The following NPAS3 variants were observed in gnomAD, a reference collection of about 807,000 sequenced individuals.
NPAS3 encodes the protein neuronal PAS domain protein 3.
NPAS3 carries 14 observed loss-of-function variants against 73.1 expected under a neutral mutation model. The ratio of observed to expected loss-of-function variants is 0.19; its 90% CI spans 0.13 to 0.30. The LOEUF is 0.30. NPAS3 is among the 10% of genes least tolerant of loss of function. The probability of loss-of-function intolerance (pLI) is 1.00; values close to 1 mark genes in which losing one functional copy is unlikely to be tolerated. For missense variants in NPAS3, 1,096 were observed against 1,250.0 expected (o/e 0.88, Z 1.86); for synonymous variants, 620 against 541.5 (o/e 1.14, Z -2.01).
At chr14:33,146,660 G>A (rs570072012) in intron 2 of NPAS3, among the ~76,000 whole-genome samples, 67 of 152,234 alleles carry the variant, frequency 4.4e-4, no homozygotes, top group Non-Finnish European at 6.9e-4. Flanking sequence ...AGGCTGAAGT[G>A]GTTTATCTTA....
intron 5 of NPAS3, among the ~76,000 whole-genome samples, chr14:33,675,474 T>A (rs989390607): frequency 2.0e-5 from 3 of 152,122 alleles, no homozygotes; most frequent in African/African-American, 7.2e-5. Flanking sequence ...ATTCAAAGAG[T>A]ATACAAAATA....
At chr14:33,471,988 C>T (rs937432651) in intron 4 of NPAS3, among the ~76,000 whole-genome samples, 5 of 152,258 alleles carry the variant, frequency 3.3e-5, no homozygotes, top group Non-Finnish European at 7.3e-5. Flanking sequence ...TTGCACACTC[C>T]TTATTAGAAT....
At chr14:33,521,381 T>C (rs1051681312) in intron 4 of NPAS3, among the ~76,000 whole-genome samples, 2 of 152,124 alleles carry the variant, frequency 1.3e-5, no homozygotes, top group African/African-American at 4.8e-5. Flanking sequence ...CCATTCAGCA[T>C]GATATGGCTG....
chr14:32,939,928 A>C (rs1461740355), intron 1 of NPAS3, among the ~76,000 whole-genome samples: 1 of 152,014 alleles, frequency 6.6e-6, no homozygotes, highest in African/African-American at 2.4e-5. Flanking sequence ...CCGCGCGAGC[A>C]GCTAGGCCGG....
chr14:33,318,356 G>A (rs1265122608), intron 3 of NPAS3, among the ~76,000 whole-genome samples: 1 of 152,058 alleles, frequency 6.6e-6, no homozygotes, highest in East Asian at 1.9e-4. Flanking sequence ...GAGGAATGGG[G>A]AATTGTCATT....
intron 6 of NPAS3, among the ~76,000 whole-genome samples, chr14:33,705,331 CT>C (rs1176859317): frequency 4.6e-5 from 7 of 152,112 alleles, no homozygotes; most frequent in Non-Finnish European, 8.8e-5. Context: ...CATTGGCTCC[CT>C]TTTCCCCCTA....
At chr14:33,498,784 T>C (rs998011902) in intron 4 of NPAS3, among the ~76,000 whole-genome samples, 3 of 151,982 alleles carry the variant, frequency 2.0e-5, no homozygotes, top group African/African-American at 4.8e-5. Flanking sequence ...TGTATACCTA[T>C]GTAACAAACT....
Position 33,184,752 on chromosome 14 carries a change from A to T in NPAS3, c.141-30430A>T, listed in dbSNP as rs552889078. Among the ~76,000 whole-genome samples the T allele has an allele frequency of 7.2e-4, 110 of 152,268 alleles. 1 individual carries two copies. Among genetic ancestry groups the T allele is most frequent in the African/African-American group, 2.5e-3 (104 of 41,542 alleles). ...TTGTTAGGGGAAGAAGAAATACAGG[A>T]TGCTGCCCGGTGTTCTGATGTGGAC... On this transcript the variant is annotated intron_variant, in intron 2 of 11. Transcript: ENST00000356141.
chr14:33,482,441 T>A (rs1223924339), intron 4 of NPAS3, among the ~76,000 whole-genome samples: 1 of 152,128 alleles, frequency 6.6e-6, no homozygotes, highest in Admixed American at 6.6e-5. Context: ...TCACTATAAC[T>A]ACAGAACACA....
chr14:33,677,165 C>T (rs567684490), intron 6 of NPAS3, among the ~76,000 whole-genome samples: 1 of 152,258 alleles, frequency 6.6e-6, no homozygotes, highest in South Asian at 2.1e-4. Flanking sequence ...CTGGGTCTTC[C>T]GAGAGCGCTG....
chr14:33,686,312 G>A (rs949650627), intron 6 of NPAS3, among the ~76,000 whole-genome samples: 5 of 152,232 alleles, frequency 3.3e-5, no homozygotes, highest in African/African-American at 1.2e-4. Context: ...CCAGATCAGG[G>A]AGGAGCTGGG....
chr14:32,998,748 T>C (rs1392623305), intron 1 of NPAS3, among the ~76,000 whole-genome samples: 4 of 152,232 alleles, frequency 2.6e-5, no homozygotes. Flanking sequence ...TGTTGTTTAA[T>C]CCTTCTCTAC....
chr14:33,064,246 A>G (rs1306774532), intron 2 of NPAS3, among the ~76,000 whole-genome samples: 2 of 152,230 alleles, frequency 1.3e-5, no homozygotes, highest in African/African-American at 4.8e-5. Context: ...GTATTATTTA[A>G]AAAGTATATA....
chr14:33,029,272 G>T (rs2039911904), intron 1 of NPAS3, among the ~76,000 whole-genome samples: 1 of 152,242 alleles, frequency 6.6e-6, no homozygotes, highest in East Asian at 1.9e-4. Context: ...AGTTTAAGTG[G>T]GGAAGAGGAT....
intron 1 of NPAS3, among the ~76,000 whole-genome samples, chr14:32,963,833 A>G (rs1211189031): frequency 6.6e-6 from 1 of 152,208 alleles, no homozygotes; most frequent in Admixed American, 6.5e-5. Flanking sequence ...TGATAATTGC[A>G]TGGCATGAAT....
chr14:33,698,237 C>T (rs1050604894), intron 6 of NPAS3, among the ~76,000 whole-genome samples: 14 of 152,324 alleles, frequency 9.2e-5, no homozygotes, highest in African/African-American at 3.4e-4. Flanking sequence ...TACCAAGAGA[C>T]ATACAACATA....
intron 7 of NPAS3, among the ~76,000 whole-genome samples, chr14:33,758,532 A>C (rs2062186036): frequency 6.6e-6 from 1 of 152,254 alleles, no homozygotes; most frequent in Non-Finnish European, 1.5e-5. Flanking sequence ...AAAAGAAAGA[A>C]AAGCGGCCAA....
chr14:33,045,493 G>A (rs892187303), intron 1 of NPAS3, among the ~76,000 whole-genome samples: 2 of 152,188 alleles, frequency 1.3e-5, no homozygotes, highest in Non-Finnish European at 2.9e-5. Context: ...GTGACCAGAA[G>A]CCTCTTAATC....
At chr14:33,301,460 G>A (rs1407214482) in intron 3 of NPAS3, among the ~76,000 whole-genome samples, 1 of 151,548 alleles carries the variant, frequency 6.6e-6, no homozygotes. Context: ...AAGAAAGTTT[G>A]TAAAACTCAA....
Sources: gnomAD v4.1 joint callset for allele counts (sites outside exome capture counted in the v4.1 genomes callset) on GRCh38, gnomAD v4.1.1 for gene constraint, MANE v1.5 for transcripts, NCBI Gene and HGNC (gene_info 2026-07-23, HGNC 2026-07-21) for gene names.